PDE4D: variants seen among roughly 807,000 people sequenced by gnomAD.
The protein encoded by PDE4D is 3',5'-cyclic-AMP phosphodiesterase 4D.
PDE4D carries 24 observed loss-of-function variants against 87.4 expected under a neutral mutation model. The observed-to-expected ratio is 0.27, with a 90% confidence interval of 0.20 to 0.39. The LOEUF is 0.39. PDE4D is among the 10% of genes least tolerant of loss of function. The pLI is 1.00. For missense variants in PDE4D, 714 were observed against 1,041.0 expected (o/e 0.69, Z 4.32); for synonymous variants, 384 against 383.2 (o/e 1.00, Z -0.02).
Position 59,233,098 on chromosome 5 carries a change from T to C in PDE4D, c.456-17130A>G, listed in dbSNP as rs531099121. 1.8e-4 allele frequency among the ~76,000 whole-genome samples: 27 copies of C among 152,250 alleles called. 1 individual carries two copies. The South Asian group carries it at 5.6e-3, about 32-fold the overall frequency. ...TGGATAGAAGAAATAAGTTACAATG[T>C]GTGATAGCAGAATAGGGAGATTATA... is the stretch of plus-strand genomic sequence containing the variant. On this transcript the variant is annotated intron_variant, in intron 1 of 14. Coordinates refer to ENST00000340635, the MANE Select transcript of PDE4D (RefSeq NM_001104631.2).
chr5:59,440,724 C>T (rs1224323621), intron 1 of PDE4D, among the ~76,000 whole-genome samples: 6 of 152,086 alleles, frequency 3.9e-5, no homozygotes, highest in Admixed American at 1.3e-4. Flanking sequence ...TGTGGTGAGC[C>T]GAGGTTGCAC....
intron 3 of PDE4D, among the ~76,000 whole-genome samples, chr5:59,918,583 C>T (rs1440165378): frequency 6.6e-6 from 1 of 152,210 alleles, no homozygotes; most frequent in African/African-American, 2.4e-5. Flanking sequence ...AACTCACTCT[C>T]TTCCTCTCTT....
chr5:59,553,187 G>A (rs1270350636), intron 1 of PDE4D, among the ~76,000 whole-genome samples: 3 of 151,864 alleles, frequency 2.0e-5, no homozygotes, highest in African/African-American at 4.8e-5. Context: ...CTCCCTTTCC[G>A]TATGTACATG....
At chr5:59,113,070 A>AC (rs558557925) in intron 5 of PDE4D, among the ~76,000 whole-genome samples, 87 of 151,578 alleles carry the variant, frequency 5.7e-4, no homozygotes, top group African/African-American at 2.1e-3. Context: ...CAAAGTGTCT[A>AC]CCCTTCCCTT....
At chr5:59,156,220 C>G (rs539300000) in intron 5 of PDE4D, among the ~76,000 whole-genome samples, 2 of 150,290 alleles carry the variant, frequency 1.3e-5, no homozygotes. Context: ...GCAAGAGATT[C>G]GAGAGAGACT....
At chr5:59,335,005 C>T (rs180966627) in intron 1 of PDE4D, among the ~76,000 whole-genome samples, 9 of 152,242 alleles carry the variant, frequency 5.9e-5, no homozygotes, top group African/African-American at 2.2e-4. Context: ...ACACTACTTC[C>T]TTCCAGCAGC....
rs144901143 is a variant in PDE4D at position 60,502,561 on chromosome 5, G to C, written n.70+19490C>G. On this transcript the variant is annotated intron_variant and non_coding_transcript_variant, in intron 1 of 2. Transcript: ENST00000506510. ...GAAGAAAGTCATTGGTAGCTTGATG[G>C]AAGCTGTAGACCAGAGCTGTTCCTA... Among the ~76,000 whole-genome samples the C allele has an allele frequency of 7.6e-3, 1,160 of 152,284 alleles. 6 individuals are homozygous for C. The highest frequency in any genetic ancestry group is 0.017 in the Middle Eastern group (5 of 294).
At chr5:59,390,765 A>T (rs11738043) in intron 1 of PDE4D, among the ~76,000 whole-genome samples, 1 of 152,162 alleles carries the variant, frequency 6.6e-6, no homozygotes, top group East Asian at 1.9e-4. Context: ...GGCAAATAAC[A>T]TAAGAAATAG....
At chr5:60,082,662 C>T (rs76956294) in intron 2 of PDE4D, among the ~76,000 whole-genome samples, 2,854 of 152,162 alleles carry the variant, frequency 0.019, 85 homozygotes, top group African/African-American at 0.066. Context: ...GTAGCAGGGC[C>T]CCACCCAAAC....
At chr5:60,058,307 G>A (rs1209706984) in intron 2 of PDE4D, among the ~76,000 whole-genome samples, 1 of 151,656 alleles carries the variant, frequency 6.6e-6, no homozygotes, top group East Asian at 1.9e-4. Flanking sequence ...GTTTTGTTTT[G>A]TTTCTTGCAT....
At chr5:59,017,149 A>C (rs1410948779) in intron 6 of PDE4D, among the ~76,000 whole-genome samples, 1 of 152,178 alleles carries the variant, frequency 6.6e-6, no homozygotes, top group East Asian at 1.9e-4. Context: ...AGTCAAGGCA[A>C]CATCACGTGG....
At chr5:59,418,086 T>A (rs1793908308) in intron 1 of PDE4D, among the ~76,000 whole-genome samples, 1 of 152,234 alleles carries the variant, frequency 6.6e-6, no homozygotes, top group African/African-American at 2.4e-5. Context: ...ATGATTGCTA[T>A]AAGTCCCCTC....
At chr5:59,884,283 C>G (rs1293903318) in intron 1 of PDE4D, among the ~76,000 whole-genome samples, 2 of 151,068 alleles carry the variant, frequency 1.3e-5, no homozygotes, top group Non-Finnish European at 3.0e-5. Flanking sequence ...GATATAAATA[C>G]ACACACACAT....
intron 1 of PDE4D, among the ~76,000 whole-genome samples, chr5:59,454,910 T>C (rs1562219169): frequency 6.6e-6 from 1 of 152,124 alleles, no homozygotes; most frequent in South Asian, 2.1e-4. Context: ...GCCCTAGAGA[T>C]CTGTGGAACT....
chr5:60,075,409 G>T (rs1325626958), intron 2 of PDE4D, among the ~76,000 whole-genome samples: 1 of 152,082 alleles, frequency 6.6e-6, no homozygotes, highest in East Asian at 1.9e-4. Flanking sequence ...TTTGTAGGTG[G>T]CCTGTCCTTT....
At chr5:59,840,358 C>T (rs920928099) in intron 1 of PDE4D, among the ~76,000 whole-genome samples, 2 of 147,920 alleles carry the variant, frequency 1.4e-5, no homozygotes, top group Non-Finnish European at 3.0e-5. Flanking sequence ...GTGTGTGTAA[C>T]GCTTATCTTA....
intron 2 of PDE4D, among the ~76,000 whole-genome samples, chr5:60,125,394 G>T (rs779847018): frequency 2.1e-4 from 32 of 152,038 alleles, no homozygotes; most frequent in Non-Finnish European, 4.3e-4. Context: ...CGTAAACACA[G>T]CTACCACCCT....
intron 1 of PDE4D, among the ~76,000 whole-genome samples, chr5:59,307,928 A>G (rs1173553753): frequency 1.3e-5 from 2 of 152,130 alleles, no homozygotes; most frequent in African/African-American, 4.8e-5. Context: ...TTATTGCGGC[A>G]CTATTCACAA....
chr5:59,691,908 A>G (rs573575470), intron 1 of PDE4D, among the ~76,000 whole-genome samples: 1 of 152,266 alleles, frequency 6.6e-6, no homozygotes, highest in African/African-American at 2.4e-5. Flanking sequence ...TGAGATAGGA[A>G]AGAGGCACAT....
Sources: allele counts gnomAD v4.1 joint callset (sites outside exome capture counted in the v4.1 genomes callset), GRCh38; gene constraint gnomAD v4.1.1; transcripts MANE v1.5; gene names NCBI Gene and HGNC (gene_info 2026-07-23, HGNC 2026-07-21).